The following PDE4B variants were observed in gnomAD, a reference collection of about 807,000 sequenced individuals.
PDE4B encodes phosphodiesterase 4B.
PDE4B carries 20 observed loss-of-function variants against 82.2 expected under a neutral mutation model. That is an observed-to-expected ratio of 0.24 (90% CI 0.17 to 0.35). PDE4B has a LOEUF of 0.35. Among genes scored for constraint, PDE4B ranks in the 10% least tolerant of loss-of-function variants. PDE4B has a pLI of 1.00. For synonymous variants in PDE4B, 320 were observed against 318.9 expected (o/e 1.00, Z -0.04); for missense variants, 655 against 907.2 (o/e 0.72, Z 3.57).
At chr1:66,213,972 CTGTT>C (rs1219238001) in intron 3 of PDE4B, among the ~76,000 whole-genome samples, 5 of 152,086 alleles carry the variant, frequency 3.3e-5, no homozygotes, top group Non-Finnish European at 7.4e-5. Flanking sequence ...TAATCTAGTA[CTGTT>C]TATCTTTCCA....
At chr1:66,095,363 G>A (rs1232563405) in intron 3 of PDE4B, among the ~76,000 whole-genome samples, 1 of 151,830 alleles carries the variant, frequency 6.6e-6, no homozygotes, top group East Asian at 1.9e-4. Flanking sequence ...GTCTAACATA[G>A]CATTGAGTAT....
chr1:66,142,101 A>G (rs1646184489), intron 3 of PDE4B, among the ~76,000 whole-genome samples: 1 of 152,204 alleles, frequency 6.6e-6, no homozygotes, highest in African/African-American at 2.4e-5. Context: ...AAGAAAAAAT[A>G]TACTTATTAT....
intron 4 of PDE4B, among the ~76,000 whole-genome samples, chr1:66,247,868 T>C (rs1653446208): frequency 6.6e-6 from 1 of 152,238 alleles, no homozygotes; most frequent in Non-Finnish European, 1.5e-5. Context: ...TTGGAAAACC[T>C]AGACACAGTG....
chr1:66,279,848 G>A (rs1188429373), intron 7 of PDE4B, among the ~76,000 whole-genome samples: 1 of 152,164 alleles, frequency 6.6e-6, no homozygotes, highest in African/African-American at 2.4e-5. Flanking sequence ...ACAACTGACT[G>A]CACAAGGCCC....
At chr1:65,962,888 G>A (rs907016232) in intron 3 of PDE4B, among the ~76,000 whole-genome samples, 5 of 152,212 alleles carry the variant, frequency 3.3e-5, no homozygotes, top group Non-Finnish European at 4.4e-5. Context: ...AATTACAGAC[G>A]AAAACCTCCA....
chr1:66,144,345 A>G (rs1015188225), intron 3 of PDE4B, among the ~76,000 whole-genome samples: 10 of 152,320 alleles, frequency 6.6e-5, no homozygotes, highest in African/African-American at 2.4e-4. Context: ...ACCCTTCAGG[A>G]AGCACATGAT....
chr1:66,347,382 A>G (rs1385832828), intron 8 of PDE4B, among the ~76,000 whole-genome samples: 1 of 152,198 alleles, frequency 6.6e-6, no homozygotes, highest in Non-Finnish European at 1.5e-5. Context: ...TTCATCTTTT[A>G]TAGTTTTAGT....
At chr1:66,089,107 A>G (rs556189495) in intron 3 of PDE4B, among the ~76,000 whole-genome samples, 32 of 152,210 alleles carry the variant, frequency 2.1e-4, no homozygotes. Context: ...ACATGGACTC[A>G]AGTCCTGGCT....
chr1:66,211,194 G>A (rs1650020974), intron 3 of PDE4B, among the ~76,000 whole-genome samples: 1 of 152,200 alleles, frequency 6.6e-6, no homozygotes, highest in African/African-American at 2.4e-5. Context: ...ATATTACAAG[G>A]TTTATAGATT....
At chr1:66,202,617 CTT>C (rs557171842) in intron 3 of PDE4B, among the ~76,000 whole-genome samples, 5,945 of 149,532 alleles carry the variant, frequency 0.04, 221 homozygotes, top group African/African-American at 0.1. Context: ...TTCTTTGTCT[CTT>C]TTGATCTTTG....
intron 1 of PDE4B, among the ~76,000 whole-genome samples, chr1:65,891,725 T>C (rs977227744): frequency 6.6e-6 from 1 of 152,104 alleles, no homozygotes; most frequent in Non-Finnish European, 1.5e-5. Context: ...ATGAAAAGCA[T>C]GGCAGAATTT....
chr1:66,030,900 G>T (rs1404209584), intron 3 of PDE4B, among the ~76,000 whole-genome samples: 4 of 152,174 alleles, frequency 2.6e-5, no homozygotes, highest in African/African-American at 9.7e-5. Context: ...ATAAGTGGGG[G>T]CTAAGCATTT....
chr1:66,100,801 G>C (rs1259129258), intron 3 of PDE4B, among the ~76,000 whole-genome samples: 13 of 152,000 alleles, frequency 8.6e-5, no homozygotes, highest in Admixed American at 7.9e-4. Flanking sequence ...TATTTTAATA[G>C]TTAATTTGAA....
intron 2 of PDE4B, among the ~76,000 whole-genome samples, chr1:65,915,828 A>C (rs1395257828): frequency 6.6e-6 from 1 of 152,180 alleles, no homozygotes; most frequent in African/African-American, 2.4e-5. Flanking sequence ...ACAGAAGGAT[A>C]ATCCAAAACT....
intron 3 of PDE4B, among the ~76,000 whole-genome samples, chr1:66,067,617 A>C (rs1385103534): frequency 5.3e-5 from 8 of 151,724 alleles, no homozygotes; most frequent in Non-Finnish European, 1.2e-4. Context: ...GATTGCAAAA[A>C]TTTTCTCCCA....
At chr1:65,877,673 A>T (rs1401520460) in intron 1 of PDE4B, among the ~76,000 whole-genome samples, 1 of 151,580 alleles carries the variant, frequency 6.6e-6, no homozygotes, top group Non-Finnish European at 1.5e-5. Context: ...GGGAAAACTG[A>T]CTAGTCATAT....
intron 3 of PDE4B, among the ~76,000 whole-genome samples, chr1:66,058,968 C>A (rs1354768838): frequency 2.0e-5 from 3 of 152,208 alleles, no homozygotes; most frequent in Admixed American, 1.3e-4. Flanking sequence ...TGTCAAGCTG[C>A]AAATTTTTTG....
chr1:65,910,628 G>A (rs1264603208), intron 1 of PDE4B, among the ~76,000 whole-genome samples: 1 of 152,158 alleles, frequency 6.6e-6, no homozygotes, highest in East Asian at 1.9e-4. Context: ...AATACCAGGA[G>A]GCTAGCAACA....
intron 6 of PDE4B, among the ~76,000 whole-genome samples, chr1:66,262,144 A>G (rs1396666780): frequency 6.6e-6 from 1 of 152,228 alleles, no homozygotes; most frequent in African/African-American, 2.4e-5. Context: ...TTTAGTGCAT[A>G]TCTATCCAAA....
Sources: allele counts gnomAD v4.1 joint callset (sites outside exome capture counted in the v4.1 genomes callset), GRCh38; gene constraint gnomAD v4.1.1; transcripts MANE v1.5; gene names NCBI Gene and HGNC (gene_info 2026-07-23, HGNC 2026-07-21).